Variants in SLC1A4 observed in about 807,000 individuals in gnomAD.
SLC1A4 encodes the protein solute carrier family 1 member 4.
SLC1A4 carries 19 observed loss-of-function variants against 37.7 expected under a neutral mutation model. That is an observed-to-expected ratio of 0.50 (90% CI 0.35 to 0.74). The LOEUF (loss-of-function observed/expected upper bound fraction) is 0.74, where lower values mean the gene tolerates loss of function less well. Among genes scored for constraint, SLC1A4 ranks in the 30% least tolerant of loss-of-function variants. SLC1A4 has a pLI of 0.01. For missense variants in SLC1A4, 570 were observed against 712.9 expected (o/e 0.80, Z 2.28); for synonymous variants, 299 against 309.8 (o/e 0.97, Z 0.37).
In SLC1A4 at chr2:65,010,774, C is replaced by T; in HGVS notation, c.800+11C>T. On this transcript the variant is annotated intron_variant, in intron 4 of 7. Transcript: ENST00000234256. ...GTCCTGGATTATGTGGTGAGTGCTGCTTTGCTGCCTACTCTCTCTCTCCTT... is the reference window on the plus strand; with the variant it reads ...GTCCTGGATTATGTGGTGAGTGCTGTTTTGCTGCCTACTCTCTCTCTCCTT... 1 of 1,605,710 alleles carries T rather than the reference C, an allele frequency of 6.2e-7. No individual in the cohort carries two copies. Among genetic ancestry groups the T allele is most frequent in the Non-Finnish European group, 8.5e-7 (1 of 1,176,622 alleles).
At chr2:65,004,618 T>C (rs890076180) in intron 3 of SLC1A4, among the ~76,000 whole-genome samples, 1 of 151,920 alleles carries the variant, frequency 6.6e-6, no homozygotes, top group Non-Finnish European at 1.5e-5. Flanking sequence ...TTTTCTGCCA[T>C]CTAGAAATGT....
chr2:64,999,704 G>A (rs977048335), intron 1 of SLC1A4: 4 of 151,930 alleles, frequency 2.6e-5, no homozygotes, highest in African/African-American at 9.7e-5. Flanking sequence ...TTGAAGTTTG[G>A]ACTGGGAGCC....
chr2:65,004,966 C>G (rs994729212), intron 3 of SLC1A4, among the ~76,000 whole-genome samples: 1 of 152,194 alleles, frequency 6.6e-6, no homozygotes, highest in African/African-American at 2.4e-5. Flanking sequence ...AACATTATGT[C>G]TCATACTAGT....
At chr2:64,995,211 C>G (rs1673205985) in intron 1 of SLC1A4, among the ~76,000 whole-genome samples, 1 of 152,170 alleles carries the variant, frequency 6.6e-6, no homozygotes, top group Non-Finnish European at 1.5e-5. Flanking sequence ...TAAAGCCAAC[C>G]ACCTGGGTTT....
chr2:65,008,663 C>T (rs1231933754), intron 3 of SLC1A4, among the ~76,000 whole-genome samples: 3 of 152,078 alleles, frequency 2.0e-5, no homozygotes, highest in African/African-American at 7.2e-5. Flanking sequence ...TAAATAAAAA[C>T]AGTCGTCTTA....
At chr2:65,000,985 CT>C (rs1484897577) in intron 1 of SLC1A4, 1 of 153,438 alleles carries the variant, frequency 6.5e-6, no homozygotes. Flanking sequence ...GGTGCCTAAC[CT>C]CTAGGTGAGA....
In SLC1A4 at chr2:65,018,482, G is replaced by T; in HGVS notation, c.1230-63G>T. 6.3e-6 allele frequency: 10 copies of T among 1,594,462 alleles called. No individual in the cohort carries two copies. Among genetic ancestry groups the T allele is most frequent in the Non-Finnish European group, 7.7e-6 (9 of 1,169,286 alleles). ...CAGCCACATTGCAGCTGCATGGTCT[G>T]CATTTCTCTGTGTCCACTCCACGCT... On this transcript the variant is annotated intron_variant, in intron 6 of 7. Transcript: ENST00000234256. This position sits in a 1 kb window ranked among gnomAD's most constrained non-coding sequence, Gnocchi z 4.3.
chr2:65,002,601 A>C (rs113240953), intron 2 of SLC1A4, among the ~76,000 whole-genome samples: 1 of 98,276 alleles, frequency 1.0e-5, no homozygotes, highest in Non-Finnish European at 1.9e-5. Flanking sequence ...TTTTTGAGAC[A>C]GAGTCTCACT....
In SLC1A4 at chr2:64,990,255, A is replaced by G. The variant is rs182881951; in HGVS notation, c.527+85A>G. 1,252 of 1,242,236 alleles carry G rather than the reference A, an allele frequency of 1.0e-3. 3 individuals carry two copies. The highest frequency in any genetic ancestry group is 1.1e-3 in the Non-Finnish European group (1,004 of 908,616). The allele number at this position is 1,242,236 out of a possible 1,614,324, so 77.0% of individuals were successfully genotyped here. A position where few individuals can be genotyped will look rare whatever the true frequency, so the allele number is the denominator to read the frequency against. ...AGTTCATACACCCATATGCTTATACACTCCTAAGAGTTAATTCTTAGCTGG... is the reference window on the plus strand; with the variant it reads ...AGTTCATACACCCATATGCTTATACGCTCCTAAGAGTTAATTCTTAGCTGG... On this transcript the variant is annotated intron_variant, in intron 1 of 7. Coordinates refer to ENST00000234256, the MANE Select transcript of SLC1A4 (RefSeq NM_003038.5).
At chr2:65,002,466 T>C (rs1187789283) in intron 2 of SLC1A4, among the ~76,000 whole-genome samples, 2 of 151,014 alleles carry the variant, frequency 1.3e-5, no homozygotes, top group Non-Finnish European at 2.9e-5. Context: ...TGTAAGAGTA[T>C]AACATAATTC....
chr2:65,005,369 T>C lies in SLC1A4; in HGVS notation c.633+1354T>C, dbSNP rs1673634042. 1.3e-5 allele frequency among the ~76,000 whole-genome samples: 2 copies of C among 152,230 alleles called. 1 individual carries two copies. Among genetic ancestry groups the C allele is most frequent in the South Asian group, 4.1e-4 (2 of 4,832 alleles). ...TGAATGATATCCCCCTGTTCATAAA[T>C]GTGAATCCAGTCAGTGGCTCCTGAT... On this transcript the variant is annotated intron_variant, in intron 3 of 7. Transcript: ENST00000234256.
rs375611084 is a variant in SLC1A4 at position 65,010,710 on chromosome 2, T to C, written c.747T>C (p.Arg249=). 4.7e-5 allele frequency: 76 copies of C among 1,614,140 alleles called. No homozygotes were observed. In the African/African-American group the frequency reaches 8.9e-4, roughly 19 times the overall value. ...GCTCCGAAGGAGAAGACCTCATCCG[T>C]TTCTTCAATTCCCTCAACGAGGCGA... The part of the protein sequence containing the change: ...KLGSEGEDLI[R]FFNSLNEATM... Residue 249 remains arginine, a synonymous_variant, in exon 4 of 8, where the codon CGT becomes CGC. Coordinates refer to ENST00000234256, the MANE Select transcript of SLC1A4 (RefSeq NM_003038.5).
intron 1 of SLC1A4, among the ~76,000 whole-genome samples, chr2:64,995,553 C>T (rs1025037055): frequency 3.0e-4 from 46 of 152,172 alleles, no homozygotes; most frequent in African/African-American, 1.1e-3. Context: ...TTCACACCCC[C>T]ATCATCAGAG....
At chr2:64,990,863 G>C (rs1171612089) in intron 1 of SLC1A4, among the ~76,000 whole-genome samples, 2 of 152,172 alleles carry the variant, frequency 1.3e-5, no homozygotes. Context: ...GGGAGGGAGA[G>C]AAGCATCTTC....
At chr2:65,017,790 G>C (rs1470635667) in intron 5 of SLC1A4, among the ~76,000 whole-genome samples, 1 of 152,196 alleles carries the variant, frequency 6.6e-6, no homozygotes, top group Non-Finnish European at 1.5e-5. Flanking sequence ...TTTTGCACCG[G>C]GAGGCAATGT....
chr2:64,989,200 C>T (rs2103622906), upstream of SLC1A4, among the ~76,000 whole-genome samples: 1 of 151,712 alleles, frequency 6.6e-6, no homozygotes, highest in Admixed American at 6.6e-5. Flanking sequence ...GAGCCTCCCG[C>T]CCGGCCGCCC....
At chr2:64,990,832 G>C (rs1673021723) in intron 1 of SLC1A4, among the ~76,000 whole-genome samples, 1 of 152,198 alleles carries the variant, frequency 6.6e-6, no homozygotes, top group Non-Finnish European at 1.5e-5. Context: ...CTTTCTTTGT[G>C]CGAAAGTGTG....
chr2:64,989,809 G>A lies in SLC1A4; in HGVS notation c.166G>A (p.Ala56Thr). 1 of 1,525,458 alleles carries A rather than the reference G, an allele frequency of 6.6e-7. No homozygotes were observed. The highest frequency in any genetic ancestry group is 8.8e-7 in the Non-Finnish European group (1 of 1,140,428). 94.5% of individuals were successfully genotyped at this position (1,525,458 alleles called of 1,614,324 possible). Residue 56 changes from alanine to threonine, a missense_variant, in exon 1 of 8, where the codon GCG becomes ACG. By Grantham distance (58) the Ala-to-Thr change is moderately conservative. Transcript: ENST00000234256. ...LLTVSGVLAG[A>T]GLGAALRGLS... ...CACCGTGTCCGGGGTGCTGGCGGGC[G>A]CGGGCCTGGGCGCGGCGTTGCGCGG... is the stretch of plus-strand genomic sequence containing the variant.
Position 65,018,206 on chromosome 2 carries a change from G to T in SLC1A4, c.1170G>T (p.Ala390=), listed in dbSNP as rs753639638. 2 of 1,614,080 alleles carry T rather than the reference G, an allele frequency of 1.2e-6. No individual in the cohort carries two copies. Among genetic ancestry groups the T allele is most frequent in the Non-Finnish European group, 1.7e-6 (2 of 1,180,006 alleles). Residue 390 remains alanine, a synonymous_variant, in exon 6 of 8, where the codon GCG becomes GCT. Transcript: ENST00000234256. This position sits in a 1 kb window ranked among gnomAD's most constrained non-coding sequence, Gnocchi z 4.3. ...CAGCCATCTTCCAGTGTGTGGCCGC[G>T]GTGTTCATTGCGCAACTCAACAACG... The part of the protein sequence containing the change: ...DGAAIFQCVA[A]VFIAQLNNVE...
Sources: gnomAD v4.1 joint callset for allele counts (sites outside exome capture counted in the v4.1 genomes callset) on GRCh38, gnomAD v4.1.1 for gene constraint, Gnocchi (gnomAD v3.1) non-coding constraint, MANE v1.5 for transcripts, NCBI Gene and HGNC (gene_info 2026-07-23, HGNC 2026-07-21) for gene names.